LRP2: variants seen among roughly 807,000 people sequenced by gnomAD.
LRP2 encodes low-density lipoprotein receptor-related protein 2.
A neutral mutation model predicts 531.0 loss-of-function variants in LRP2; 172 were observed. The observed-to-expected ratio is 0.32, with a 90% confidence interval of 0.29 to 0.37. The LOEUF (loss-of-function observed/expected upper bound fraction) is 0.37, where lower values mean the gene tolerates loss of function less well. Among genes scored for constraint, LRP2 ranks in the 10% least tolerant of loss-of-function variants. The pLI, the probability that LRP2 is intolerant of heterozygous loss-of-function variation, is 1.00. For synonymous variants in LRP2, 1,992 were observed against 2,027.6 expected (o/e 0.98, Z 0.47); for missense variants, 5,167 against 5,868.3 (o/e 0.88, Z 3.90).
chr2:169,202,781 G>A lies in LRP2; in HGVS notation c.8184C>T (p.Gly2728=), dbSNP rs755712695. 1.4e-5 allele frequency: 23 copies of A among 1,614,134 alleles called. No homozygotes were observed. The Middle Eastern group carries it at 6.6e-4, about 46-fold the overall frequency. Residue 2728 remains glycine, a synonymous_variant, in exon 43 of 79, where the codon GGC becomes GGT. Coordinates refer to ENST00000649046, the MANE Select transcript of LRP2 (RefSeq NM_004525.3). ...KCDNDNDCGD[G]SDEMESVCAL... ...CACAGACACTTTCCATCTCATCACT[G>A]CCATCCCCACAGTCGTTGTCATTAT...
intron 52 of LRP2, among the ~76,000 whole-genome samples, chr2:169,178,227 T>G (rs1461738406): frequency 6.6e-6 from 1 of 152,166 alleles, no homozygotes; most frequent in Non-Finnish European, 1.5e-5. Flanking sequence ...GATGTAGAAG[T>G]GAAAAAGCAA....
At chr2:169,334,490 A>G (rs866431484) in intron 1 of LRP2, among the ~76,000 whole-genome samples, 9 of 152,326 alleles carry the variant, frequency 5.9e-5, no homozygotes, top group Admixed American at 1.3e-4. Flanking sequence ...GAGTGAGCTA[A>G]TATGCAGAAC....
intron 4 of LRP2, among the ~76,000 whole-genome samples, chr2:169,299,003 C>A (rs940467614): frequency 9.4e-5 from 14 of 148,584 alleles, no homozygotes; most frequent in African/African-American, 3.5e-4. Context: ...TTTGAAGAAG[C>A]TTTCAATAAA....
chr2:169,170,729 G>T, intron 58 of LRP2, 62 bp from the exon 59 acceptor site: 1 of 1,179,224 alleles, frequency 8.5e-7, no homozygotes, highest in Non-Finnish European at 1.3e-6. Flanking sequence ...GAGACATCTT[G>T]TGAGCTGACC....
chr2:169,234,028 C>A (rs1448897002), intron 29 of LRP2, among the ~76,000 whole-genome samples: 1 of 152,232 alleles, frequency 6.6e-6, no homozygotes, highest in Non-Finnish European at 1.5e-5. Context: ...TGTGCTGCCA[C>A]TCACTGATTC....
chr2:169,176,544 A>G lies in LRP2; in HGVS notation c.10438T>C (p.Cys3480Arg). The G allele has an allele frequency of 1.9e-6, 3 of 1,614,222 alleles. No homozygotes were observed. The highest frequency in any genetic ancestry group is 2.5e-6 in the Non-Finnish European group (3 of 1,180,026). ...CCTTTTCCTCCTGGCTTGATGAGGCAGAGATGAGAACAGCCACCATTGTTG... is the reference window on the plus strand; with the variant it reads ...CCTTTTCCTCCTGGCTTGATGAGGCGGAGATGAGAACAGCCACCATTGTTG... ...GTNNGGCSHL[C>R]LIKPGGKGFT... Residue 3480 changes from cysteine (C) to arginine (R), a missense_variant, in exon 54 of 79, where the codon TGC becomes CGC. Transcript: ENST00000649046.
intron 38 of LRP2, 41 bp from the exon 39 acceptor site, chr2:169,207,291 C>T (rs1034518296): frequency 1.4e-6 from 2 of 1,427,808 alleles, no homozygotes; most frequent in South Asian, 2.3e-5. Context: ...AATGGAGAAC[C>T]AAGAAGAAAA....
chr2:169,361,792 T>C (rs2105593905), intron 1 of LRP2, among the ~76,000 whole-genome samples: 1 of 152,290 alleles, frequency 6.6e-6, no homozygotes, highest in South Asian at 2.1e-4. Context: ...GTAAATGATC[T>C]GTATGGTGAG....
rs561075410 is a variant in LRP2 at position 169,201,031 on chromosome 2, C to T, written c.8452+597G>A. The stretch of plus-strand genomic sequence containing the variant: ...AGAATTGCACCTGTTATGATCAAAA[C>T]TCTAGGTCTACATACCAGTTCATAG... On this transcript the variant is annotated intron_variant, in intron 44 of 78. Transcript: ENST00000649046. 5.9e-5 allele frequency among the ~76,000 whole-genome samples: 9 copies of T among 152,286 alleles called. No homozygotes were observed. In the South Asian group the frequency reaches 1.5e-3, roughly 25 times the overall value.
intron 34 of LRP2, 66 bp from the exon 35 acceptor site, chr2:169,216,496 G>T: frequency 1.3e-6 from 2 of 1,490,566 alleles, no homozygotes; most frequent in South Asian, 2.3e-5. Context: ...TGACATAAAT[G>T]ACAATGTGTA....
rs896191101 is a variant in LRP2, at chr2:169,140,523, C to G, written c.13131G>C (p.Leu4377=). The G allele has an allele frequency of 1.9e-6, 3 of 1,613,650 alleles. No individual in the cohort carries two copies. The highest frequency in any genetic ancestry group is 2.5e-6 in the Non-Finnish European group (3 of 1,179,808). Residue 4377 remains leucine (L), a synonymous_variant, in exon 72 of 79, where the codon CTG becomes CTC. Transcript: ENST00000649046. ...CDAAIELPIN[L]PPPCRCMHGG... ...CGTGCATGCACCTGCATGGGGGGGG[C>G]AGGTTGATAGGCAGTTCGATGGCTG...
chr2:169,286,631 C>T (rs1263567501), intron 9 of LRP2, among the ~76,000 whole-genome samples: 3 of 152,172 alleles, frequency 2.0e-5, no homozygotes, highest in Admixed American at 2.0e-4. Flanking sequence ...CCAAGGCTCA[C>T]CACAGACTTA....
intron 3 of LRP2, among the ~76,000 whole-genome samples, chr2:169,314,449 T>C (rs909511584): frequency 6.6e-6 from 1 of 151,522 alleles, no homozygotes; most frequent in Non-Finnish European, 1.5e-5. Context: ...ATGTAAAAGA[T>C]AAGTAGACAG....
chr2:169,295,449 G>A (rs563765764), intron 4 of LRP2, among the ~76,000 whole-genome samples: 151 of 152,288 alleles, frequency 9.9e-4, no homozygotes, highest in Admixed American at 3.9e-3. Flanking sequence ...GGTTTTCTAG[G>A]TCACAGTTGA....
Position 169,193,791 on chromosome 2 carries a change from T to A in LRP2, c.8800A>T (p.Met2934Leu). 1.2e-6 allele frequency: 2 copies of A among 1,614,204 alleles called. No homozygotes were observed. Among genetic ancestry groups the A allele is most frequent in the East Asian group, 2.2e-5 (1 of 44,884 alleles). Residue 2934 changes from methionine (M) to leucine (L), a missense_variant, in exon 47 of 79, where the codon ATG becomes TTG. By Grantham distance (15) the Met-to-Leu change is conservative. Transcript: ENST00000649046. Reference sequence around the variant, plus strand: ...TGGTGCCTTTTATCCTCGTCACTCATATCCCCACAGTCATTATCACCGTCA... The same window carrying A: ...TGGTGCCTTTTATCCTCGTCACTCAAATCCCCACAGTCATTATCACCGTCA... ...ICDGDNDCGD[M>L]SDEDKRHQCQ...
At position 169,139,311 on chromosome 2, in the gene LRP2, G is replaced by A. The variant is rs1421381409; in HGVS notation, c.13328C>T (p.Ala4443Val). 6.2e-7 allele frequency: 1 copy of A among 1,614,138 alleles called. No homozygotes were observed. The highest frequency in any genetic ancestry group is 8.5e-7 in the Non-Finnish European group (1 of 1,180,000). Residue 4443 changes from alanine to valine, a missense_variant, in exon 74 of 79, where the codon GCA becomes GTA. Physicochemically the swap from Ala to Val is moderately conservative, Grantham distance 64. Transcript: ENST00000649046. ...LIVVIGALAI[A>V]GFFHYRRTGS... ...GGTCCTTCTATAGTGGAAGAATCCT[G>A]CAATTGCCAGAGCTCCAATTACGAC...
chr2:169,247,860 C>T (rs1690073030), intron 19 of LRP2, among the ~76,000 whole-genome samples: 1 of 152,156 alleles, frequency 6.6e-6, no homozygotes, highest in South Asian at 2.1e-4. Context: ...CATAGGTCTG[C>T]ACCCGCTAAA....
chr2:169,296,596 A>G (rs1419836901), intron 4 of LRP2, among the ~76,000 whole-genome samples: 4 of 151,960 alleles, frequency 2.6e-5, no homozygotes, highest in Non-Finnish European at 5.9e-5. Flanking sequence ...CTCGTAGAAA[A>G]CCCAGCTCTT....
rs892817866 is a variant in LRP2 at position 169,309,145 on chromosome 2, T to G, written c.311-1748A>C. ...TCAGCCCTTTGTCAGATGGGTAGAT[T>G]GCAAAAATTTTCTCCCATTCTATAG... On this transcript the variant is annotated intron_variant, in intron 3 of 78. Transcript: ENST00000649046. Among the ~76,000 whole-genome samples the G allele has an allele frequency of 2.6e-4, 40 of 152,334 alleles. No individual in the cohort carries two copies. The East Asian group carries it at 2.9e-3, about 11-fold the overall frequency.
Sources: gnomAD v4.1 joint callset for allele counts (sites outside exome capture counted in the v4.1 genomes callset) on GRCh38, gnomAD v4.1.1 for gene constraint, MANE v1.5 for transcripts, NCBI Gene and HGNC (gene_info 2026-07-23, HGNC 2026-07-21) for gene names.